TIPIN: variants seen among roughly 807,000 people sequenced by gnomAD.
TIPIN encodes TIMELESS interacting protein, also known as TIMELESS-interacting protein.
A neutral mutation model predicts 35.6 loss-of-function variants in TIPIN; 29 were observed. The observed-to-expected ratio is 0.82, with a 90% CI of 0.61 to 1.11. The LOEUF (loss-of-function observed/expected upper bound fraction) is 1.11. Ranked by LOEUF, TIPIN falls within the 50% of genes most tolerant of loss-of-function variation. The probability of loss-of-function intolerance (pLI) is 0.00; values close to 1 mark genes in which losing one functional copy is unlikely to be tolerated. For missense variants in TIPIN, 296 were observed against 345.4 expected, an observed-to-expected ratio of 0.86 and a Z score of 1.13; for synonymous variants, 102 against 121.5, an observed-to-expected ratio of 0.84 and a Z score of 1.06.
chr15:66,347,291 C>G (rs567302249), intron 6 of TIPIN: 7 of 517,456 alleles, frequency 1.4e-5, no homozygotes, highest in Non-Finnish European at 2.7e-5. Context: ...GTGTGACTGT[C>G]TATGGTTGCA....
chr15:66,379,662 G>T (rs1027203686), intron 1 of TIPIN: 3 of 1,611,140 alleles, frequency 1.9e-6, no homozygotes, highest in Non-Finnish European at 2.5e-6. Flanking sequence ...GAAGCCCAGT[G>T]TAACACCCTT....
intron 7 of TIPIN, among the ~76,000 whole-genome samples, chr15:66,340,309 C>A (rs1311767448): frequency 6.7e-6 from 1 of 148,848 alleles, no homozygotes; most frequent in Non-Finnish European, 1.5e-5. Context: ...TCCCAAGTGG[C>A]TGGGATTACA....
chr15:66,371,110 C>T, intron 1 of TIPIN: 6 of 453,258 alleles, frequency 1.3e-5, no homozygotes, highest in Non-Finnish European at 1.7e-5. Flanking sequence ...ACTCGGAAGG[C>T]TGAGGCATGA....
chr15:66,375,018 T>C (rs972451957), intron 1 of TIPIN, among the ~76,000 whole-genome samples: 3 of 151,802 alleles, frequency 2.0e-5, no homozygotes, highest in Non-Finnish European at 4.4e-5. Context: ...GCTTTGCCCA[T>C]TTTTTTTGGT....
intron 1 of TIPIN, chr15:66,379,827 G>C: frequency 6.3e-7 from 1 of 1,596,876 alleles, no homozygotes; most frequent in Non-Finnish European, 8.5e-7. Context: ...GGTTCCTCTG[G>C]GGCCATTCAC....
intron 1 of TIPIN, among the ~76,000 whole-genome samples, chr15:66,381,234 A>G (rs2093317381): frequency 6.6e-6 from 1 of 152,048 alleles, no homozygotes; most frequent in Admixed American, 6.6e-5. Context: ...TCAGGAGTTC[A>G]AGACCAGCCT....
At chr15:66,385,527 T>A (rs1025634385) in intron 1 of TIPIN, among the ~76,000 whole-genome samples, 1 of 152,058 alleles carries the variant, frequency 6.6e-6, no homozygotes, top group East Asian at 1.9e-4. Context: ...TCTCACTCTG[T>A]CGCCCAGGCT....
intron 1 of TIPIN, among the ~76,000 whole-genome samples, chr15:66,367,226 C>CTA (rs746375567): frequency 1.5e-4 from 17 of 112,002 alleles, no homozygotes; most frequent in East Asian, 5.1e-4. Context: ...ATATCTATAT[C>CTA]TGTATCTATA....
intron 6 of TIPIN, among the ~76,000 whole-genome samples, chr15:66,342,048 G>C (rs2093090985): frequency 6.6e-6 from 1 of 152,000 alleles, no homozygotes; most frequent in African/African-American, 2.4e-5. Flanking sequence ...GCTGGGCATG[G>C]TGGCGCATGC....
At chr15:66,361,383 G>C (rs537518912), upstream of TIPIN, among the ~76,000 whole-genome samples, 126 of 151,178 alleles carry the variant, frequency 8.3e-4, no homozygotes, top group African/African-American at 3.0e-3. Flanking sequence ...AGTCTCCTGA[G>C]TAGCTGGGAC....
chr15:66,350,665 C>T (rs2093161510), intron 4 of TIPIN, among the ~76,000 whole-genome samples: 1 of 150,908 alleles, frequency 6.6e-6, no homozygotes, highest in Non-Finnish European at 1.5e-5. Context: ...GGCAGTGGCT[C>T]ACGCCTGTAA....
At chr15:66,352,343 T>A (rs1421502775) in intron 2 of TIPIN, 136 bp from the exon 3 acceptor site, 2 of 656,040 alleles carry the variant, frequency 3.0e-6, no homozygotes, top group African/African-American at 1.9e-5. Context: ...CTGTTGCCCA[T>A]GCTGGAGTGC....
chr15:66,386,708 A>C, exon 1 of TIPIN: 1 of 185,374 alleles, frequency 5.4e-6, no homozygotes, highest in Non-Finnish European at 1.1e-5. Flanking sequence ...GGGGCGACAG[A>C]GGGCGCCACG....
At chr15:66,378,971 G>A (rs1454602618) in intron 1 of TIPIN, among the ~76,000 whole-genome samples, 1 of 152,108 alleles carries the variant, frequency 6.6e-6, no homozygotes, top group African/African-American at 2.4e-5. Flanking sequence ...TGTTGACTAG[G>A]CTGGTCTTAA....
chr15:66,364,940 T>C (rs2093247408), intron 1 of TIPIN, among the ~76,000 whole-genome samples: 1 of 108,164 alleles, frequency 9.2e-6, no homozygotes, highest in Non-Finnish European at 1.7e-5. Flanking sequence ...CATTCCAGCC[T>C]GGGTGACAAG....
chr15:66,372,767 G>T (rs2093282150), intron 1 of TIPIN, among the ~76,000 whole-genome samples: 1 of 152,160 alleles, frequency 6.6e-6, no homozygotes, highest in African/African-American at 2.4e-5. Flanking sequence ...GCCAGGTGTG[G>T]GGGCGGGGGC....
chr15:66,371,096 A>G (rs1233514114), intron 1 of TIPIN: 1 of 340,928 alleles, frequency 2.9e-6, no homozygotes, highest in Non-Finnish European at 4.1e-6. Context: ...TGGTAATACC[A>G]GCTACTCGGA....
chr15:66,348,008 CTTTTTT>C lies in TIPIN; in HGVS notation c.475+1046_475+1051del, dbSNP rs543925918. 1.3e-4 allele frequency among the ~76,000 whole-genome samples: 18 copies of C among 135,504 alleles called. 1 individual carries two copies. Among genetic ancestry groups the C allele is most frequent in the Admixed American group, 2.4e-4 (3 of 12,760 alleles). 88.9% of individuals were successfully genotyped at this position (135,504 alleles called of 152,430 possible). A position where few individuals can be genotyped will look rare whatever the true frequency, so the allele number is the denominator to read the frequency against. Reference sequence around the variant, plus strand: ...CTCTAACTACTTCTATTCTTTCTTTCTTTTTTTTTTTTTTTTCCAGACAAGGTCTCT... The same window carrying C: ...CTCTAACTACTTCTATTCTTTCTTTCTTTTTTTTTTCCAGACAAGGTCTCT... On this transcript the variant is annotated intron_variant, in intron 6 of 7. Transcript: ENST00000261881.
intron 6 of TIPIN, among the ~76,000 whole-genome samples, chr15:66,342,065 T>C (rs2093091160): frequency 1.3e-5 from 2 of 151,486 alleles, no homozygotes; most frequent in Admixed American, 6.6e-5. Flanking sequence ...ATGCCTATAA[T>C]CCCAGCTACT....
Sources: allele counts gnomAD v4.1 joint callset (sites outside exome capture counted in the v4.1 genomes callset), GRCh38; gene constraint gnomAD v4.1.1; transcripts MANE v1.5; gene names NCBI Gene and HGNC (gene_info 2026-07-23, HGNC 2026-07-21).